GART: variants seen among roughly 807,000 people sequenced by gnomAD.
GART encodes the protein trifunctional purine biosynthetic protein adenosine-3.
A neutral mutation model predicts 107.2 loss-of-function variants in GART; 43 were observed. The ratio of observed to expected loss-of-function variants is 0.40; its 90% confidence interval spans 0.31 to 0.52. GART has a LOEUF of 0.52. Ranked by LOEUF, GART falls within the 20% of genes least tolerant of loss-of-function variation. The pLI, the probability that GART is intolerant of heterozygous loss-of-function variation, is 0.52. For missense variants in GART, 1,107 were observed against 1,206.5 expected (o/e 0.92, Z 1.22); for synonymous variants, 434 against 427.0 (o/e 1.02, Z -0.20).
intron 18 of GART, among the ~76,000 whole-genome samples, chr21:33,507,918 T>A (rs1012376881): frequency 1.3e-5 from 2 of 152,126 alleles, no homozygotes; most frequent in Non-Finnish European, 2.9e-5. Context: ...CTTGAGGTGA[T>A]GAATACCCCA....
chr21:33,532,096 T>C, intron 5 of GART: 1 of 440,694 alleles, frequency 2.3e-6, no homozygotes, highest in East Asian at 4.3e-5. Context: ...GTCTGAGGAT[T>C]TTCTTTCAGT....
At chr21:33,521,578 G>A (rs1169549797) in intron 12 of GART, among the ~76,000 whole-genome samples, 1 of 146,810 alleles carries the variant, frequency 6.8e-6, no homozygotes, top group Non-Finnish European at 1.5e-5. Context: ...CTTGCAGCTA[G>A]CCGAAATGGC....
chr21:33,508,808 C>T (rs1016433992), intron 18 of GART, among the ~76,000 whole-genome samples: 1 of 152,140 alleles, frequency 6.6e-6, no homozygotes, highest in Non-Finnish European at 1.5e-5. Context: ...AGCCACAGCA[C>T]CCGGCCCTAT....
intron 19 of GART, 73 bp downstream of exon 19, chr21:33,505,901 A>G (rs1171689288): frequency 6.3e-7 from 1 of 1,582,162 alleles, no homozygotes; most frequent in African/African-American, 1.3e-5. Context: ...GTGCCCATAG[A>G]CCAGGGTCCT....
At chr21:33,517,266 C>A (rs1171053445) in intron 15 of GART, 91 bp downstream of exon 15, 1 of 1,552,590 alleles carries the variant, frequency 6.4e-7, no homozygotes, top group Non-Finnish European at 8.8e-7. Flanking sequence ...GTAATTCATT[C>A]CCTTTTAGCT....
intron 4 of GART, 117 bp downstream of exon 4, chr21:33,534,462 C>G: frequency 9.7e-7 from 1 of 1,032,166 alleles, no homozygotes; most frequent in Non-Finnish European, 1.4e-6. Context: ...AGTGATTCAC[C>G]TGCCTTGGCC....
chr21:33,522,083 G>A (rs1439863533), intron 12 of GART, 105 bp downstream of exon 12: 2 of 816,724 alleles, frequency 2.4e-6, no homozygotes, highest in Non-Finnish European at 4.0e-6. Context: ...AAAACTTACA[G>A]TAACCAAGCA....
intron 14 of GART, chr21:33,518,493 A>G (rs551826196): frequency 5.4e-6 from 1 of 185,216 alleles, no homozygotes; most frequent in African/African-American, 2.4e-5. Flanking sequence ...GAAAAAAAAA[A>G]AAGAAGAAAT....
rs75558274 is a variant in GART at position 33,531,710 on chromosome 21, C to A, written c.529-153G>T. On this transcript the variant is annotated intron_variant, in intron 5 of 21. Transcript: ENST00000381815. ...CCCTTTCAGAAAGACTCAAAGGGAA[C>A]ATATAAATGTTTCCTATTTTTAATG... 2.8e-3 allele frequency: 1,767 copies of A among 637,966 alleles called. 28 individuals carry two copies. The African/African-American group carries it at 0.03, about 11-fold the overall frequency. 39.5% of individuals were successfully genotyped at this position (637,966 alleles called of 1,614,324 possible). A position where few individuals can be genotyped will look rare whatever the true frequency, so the allele number is the denominator to read the frequency against.
intron 2 of GART, among the ~76,000 whole-genome samples, chr21:33,538,241 CA>C (rs397866694): frequency 1.7e-3 from 146 of 88,402 alleles, no homozygotes; most frequent in Middle Eastern, 5.9e-3. Context: ...GACTCTGTCT[CA>C]AAAAAAAAAA....
At chr21:33,525,179 G>A (rs537679043) in intron 10 of GART, among the ~76,000 whole-genome samples, 179 bp from the exon 11 acceptor site, 47 of 151,390 alleles carry the variant, frequency 3.1e-4, no homozygotes, top group Admixed American at 6.6e-4. Flanking sequence ...GAGTCCATGA[G>A]TTCGAGACCA....
At position 33,524,972 on chromosome 21, in the gene GART, C is replaced by T; in HGVS notation, c.1095G>A (p.Leu365=). The T allele has an allele frequency of 6.2e-7, 1 of 1,614,198 alleles. No homozygotes were observed. Among genetic ancestry groups the T allele is most frequent in the African/African-American group, 1.3e-5 (1 of 75,048 alleles). ...TGFPEAQALG[L]EVFHAGTALK... The stretch of plus-strand genomic sequence containing the variant: ...GGGCAGTGCCTGCATGGAACACCTC[C>T]AGTCCTAGAGCTTGAGCCTCAGGAA... The change falls in exon 11 of 22, where the codon CTG becomes CTA. Residue 365 remains leucine (L), a synonymous_variant. Coordinates refer to ENST00000381815, the MANE Select transcript of GART (RefSeq NM_000819.5).
rs374151915 is a variant in GART at position 33,511,145 on chromosome 21, G to A, written c.2314+107C>T. 96 of 1,087,842 alleles carry A rather than the reference G, an allele frequency of 8.8e-5. 2 individuals are homozygous for A. The Middle Eastern group carries it at 5.0e-3, about 57-fold the overall frequency. The allele number at this position is 1,087,842 out of a possible 1,614,324, so 67.4% of individuals were successfully genotyped here. Reference sequence around the variant, plus strand: ...TCTGTGTAAAGATAGTTGCCATAGCGATGGCTGCACTAAAAGGTGGGCAGA... The same window carrying A: ...TCTGTGTAAAGATAGTTGCCATAGCAATGGCTGCACTAAAAGGTGGGCAGA... On this transcript the variant is annotated intron_variant, in intron 17 of 21. Transcript: ENST00000381815.
At chr21:33,517,198 A>G (rs79178050) in intron 15 of GART, 57 bp from the exon 16 acceptor site, 75,596 of 1,566,416 alleles carry the variant, frequency 0.048, 2,647 homozygotes, top group East Asian at 0.18. Context: ...ACCAAAACAT[A>G]AAAATCAACC....
At position 33,527,391 on chromosome 21, in the gene GART, C is replaced by T. The variant is rs374950401; in HGVS notation, c.1066+776G>A. Among the ~76,000 whole-genome samples, 133 of 152,200 alleles carry T rather than the reference C, an allele frequency of 8.7e-4. 1 individual carries two copies. The South Asian group carries it at 0.027, about 31-fold the overall frequency. On this transcript the variant is annotated intron_variant, in intron 10 of 21. Coordinates refer to ENST00000381815, the MANE Select transcript of GART (RefSeq NM_000819.5). Reference sequence around the variant, plus strand: ...GAAATTAGCTGGGCCTGGTAGCATACACCTGTAATCCAGTTACTTGGGAGG... The same window carrying T: ...GAAATTAGCTGGGCCTGGTAGCATATACCTGTAATCCAGTTACTTGGGAGG...
chr21:33,524,769 C>G lies in GART; in HGVS notation c.1298G>C (p.Arg433Thr). Residue 433 changes from arginine (R) to threonine (T), a missense_variant and splice_region_variant, in exon 11 of 22, where the codon AGG (arginine) becomes ACG (threonine). Coordinates refer to ENST00000381815, the MANE Select transcript of GART (RefSeq NM_000819.5). ...ACAGCTAACTTGCTTAGAGTTTTAC[C>G]TGGGCTGCTGGAGGAAAGCTATGGC... ...FRAIAFLQQPRSLTYKESGVD... is the reference protein window; with the variant it reads ...FRAIAFLQQPTSLTYKESGVD... 6.2e-7 allele frequency: 1 copy of G among 1,614,162 alleles called. No homozygotes were observed. Among genetic ancestry groups the G allele is most frequent in the Non-Finnish European group, 8.5e-7 (1 of 1,180,012 alleles).
chr21:33,524,657 C>T (rs999867420), intron 11 of GART, 112 bp downstream of exon 11: 9 of 1,507,786 alleles, frequency 6.0e-6, no homozygotes, highest in Non-Finnish European at 8.0e-6. Context: ...CTGTATCACT[C>T]CCACAGAGAG....
chr21:33,536,310 C>G (rs1010507588), intron 2 of GART, among the ~76,000 whole-genome samples: 8 of 152,166 alleles, frequency 5.3e-5, no homozygotes, highest in Admixed American at 5.2e-4. Context: ...CTGTGGAGTT[C>G]TAAGTAACTA....
Position 33,517,527 on chromosome 21 carries a change from C to A in GART, c.1784G>T (p.Arg595Leu). Reference protein sequence around the residue: ...LAGFAVGAMERDQKLPHLERI... With the variant: ...LAGFAVGAMELDQKLPHLERI... ...TTCCAGGTGAGGGAGTTTCTGATCT[C>A]GCTCCATGGCACCAACGGCAAACCC... The change falls in exon 15 of 22, where the codon CGA becomes CTA. Residue 595 changes from arginine to leucine, a missense_variant. Transcript: ENST00000381815. 6.2e-7 allele frequency: 1 copy of A among 1,614,160 alleles called. No individual in the cohort carries two copies. Among genetic ancestry groups the A allele is most frequent in the Middle Eastern group, 1.6e-4 (1 of 6,062 alleles).
Sources: gnomAD v4.1 joint callset for allele counts (sites outside exome capture counted in the v4.1 genomes callset) on GRCh38, gnomAD v4.1.1 for gene constraint, MANE v1.5 for transcripts, NCBI Gene and HGNC (gene_info 2026-07-23, HGNC 2026-07-21) for gene names.